The following HNRNPR variants were observed in gnomAD, a reference collection of about 807,000 sequenced individuals.
HNRNPR encodes heterogeneous nuclear ribonucleoprotein R.
Under a neutral mutation model 70.3 loss-of-function variants are expected in HNRNPR, and 4 were observed. The observed-to-expected ratio is 0.06, with a 90% confidence interval of 0.03 to 0.13. The LOEUF (loss-of-function observed/expected upper bound fraction) is 0.13. Ranked by LOEUF, HNRNPR falls within the 10% of genes least tolerant of loss-of-function variation. HNRNPR has a pLI of 1.00. For missense variants in HNRNPR, 423 were observed against 788.5 expected, an observed-to-expected ratio of 0.54 and a Z score of 5.55; for synonymous variants, 241 against 267.6, an observed-to-expected ratio of 0.90 and a Z score of 0.97.
At chr1:23,336,116 C>CAAAAAAAAAAAAAAAAAAAAAAAA in intron 4 of HNRNPR, among the ~76,000 whole-genome samples, 1 of 49,482 alleles carries the variant, frequency 2.0e-5, no homozygotes, top group African/African-American at 8.1e-5. Flanking sequence ...GACTCCGTCT[C>CAAAAAAAAAAAAAAAAAAAAAAAA]AAAAAAAAAA....
intron 3 of HNRNPR, 134 bp from the exon 4 acceptor site, chr1:23,337,995 G>A (rs953795281): frequency 1.6e-5 from 10 of 644,818 alleles, no homozygotes; most frequent in African/African-American, 5.5e-5. Context: ...AGTATTTGCC[G>A]AGTGGTTACT....
chr1:23,343,933 A>C (rs979616280), intron 1 of HNRNPR, among the ~76,000 whole-genome samples: 97 of 152,204 alleles, frequency 6.4e-4, no homozygotes, highest in Non-Finnish European at 1.0e-3. Flanking sequence ...AGGCGGGAAA[A>C]GCACGGCCGG....
Position 23,308,184 on chromosome 1 carries a change from T to C in HNRNPR, c.*2270A>G, listed in dbSNP as rs1416364625. The C allele has an allele frequency of 6.6e-6, 1 of 152,044 alleles. No individual in the cohort carries two copies. Among genetic ancestry groups the C allele is most frequent in the African/African-American group, 2.4e-5 (1 of 41,450 alleles). The allele number at this position is 152,044 out of a possible 1,614,324, so 9.4% of individuals were successfully genotyped here. On this transcript the variant is annotated 3_prime_UTR_variant, in exon 11 of 11. Coordinates refer to ENST00000302271, the MANE Select transcript of HNRNPR (RefSeq NM_005826.5). ...CCTCTGCAAATATATTTTTAATTAG[T>C]GAAAAGGACAGAGGAGGAGGTGGCC...
intron 5 of HNRNPR, among the ~76,000 whole-genome samples, chr1:23,332,696 C>T (rs1646289050): frequency 8.7e-6 from 1 of 115,266 alleles, no homozygotes; most frequent in Non-Finnish European, 1.7e-5. Context: ...GCAAAAATTC[C>T]ATCTCAAAAA....
intron 5 of HNRNPR, among the ~76,000 whole-genome samples, chr1:23,324,939 G>T (rs1001486991): frequency 6.6e-6 from 1 of 152,008 alleles, no homozygotes; most frequent in African/African-American, 2.4e-5. Context: ...AGGAGACCGA[G>T]ACCATCCTGG....
chr1:23,341,057 G>C, intron 1 of HNRNPR, 40 bp from the exon 2 acceptor site: 1 of 1,495,274 alleles, frequency 6.7e-7, no homozygotes, highest in Non-Finnish European at 9.2e-7. Context: ...CATTAAGCCA[G>C]AAATAACTAG....
rs1281889277 is a variant in HNRNPR, at chr1:23,333,606, G to A, written c.410C>T (p.Thr137Ile). 1.2e-6 allele frequency: 2 copies of A among 1,611,040 alleles called. No individual in the cohort carries two copies. Among genetic ancestry groups the A allele is most frequent in the Non-Finnish European group, 8.5e-7 (1 of 1,177,294 alleles). Residue 137 changes from threonine (T) to isoleucine (I), a missense_variant, in exon 5 of 11, where the codon ACT becomes ATT. By Grantham distance (89) the Thr-to-Ile change is moderately conservative (BLOSUM62 -1). Around this residue, in one of 7 missense-constraint regions of HNRNPR, gnomAD observed 118 missense variants for 239.3 expected, o/e 0.49. Transcript: ENST00000302271. ...IKALLERTGY[T>I]LDVTTGQRKY... Reference sequence around the variant, plus strand: ...CCTCTGTCCTGTGGTTACATCCAGAGTATAACCAGTTCTCTCAAGCAAGGC... The same window carrying A: ...CCTCTGTCCTGTGGTTACATCCAGAATATAACCAGTTCTCTCAAGCAAGGC...
chr1:23,344,259 G>C lies in HNRNPR; in HGVS notation c.-58C>G, dbSNP rs932432563. 120 of 152,786 alleles carry C rather than the reference G, an allele frequency of 7.9e-4. 1 individual carries two copies. Among genetic ancestry groups the C allele is most frequent in the South Asian group, 8.3e-4 (4 of 4,836 alleles). The allele number at this position is 152,786 out of a possible 1,614,324, so 9.5% of individuals were successfully genotyped here. A position where few individuals can be genotyped will look rare whatever the true frequency, so the allele number is the denominator to read the frequency against. On this transcript the variant is annotated 5_prime_UTR_variant, in exon 1 of 11. Transcript: ENST00000302271. ...CCGGGCCCGTGAGAATCAGCGCGAG[G>C]CGCTTTGAAAACGACTAGAAATGGC...
rs965977037 is a variant in HNRNPR, at chr1:23,323,831, A to T, written c.499-99T>A. 3 of 908,412 alleles carry T rather than the reference A, an allele frequency of 3.3e-6. No homozygotes were observed. The Admixed American group carries it at 6.8e-5, about 21-fold the overall frequency. 56.3% of individuals were successfully genotyped at this position (908,412 alleles called of 1,614,324 possible). The stretch of plus-strand genomic sequence containing the variant: ...TTTTTAAAGATGGGGGCAGAAGAAG[A>T]TGGTTAAGAAAGAATGGAAACAATC... On this transcript the variant is annotated intron_variant, in intron 5 of 10. Coordinates refer to ENST00000302271, the MANE Select transcript of HNRNPR (RefSeq NM_005826.5).
chr1:23,336,507 C>G (rs4648991), intron 4 of HNRNPR, among the ~76,000 whole-genome samples: 140,892 of 147,716 alleles, frequency 0.95, 67,476 homozygotes, highest in East Asian at 1. Flanking sequence ...AGGAGGCAGA[C>G]CTTGCAATGA....
chr1:23,336,823 TTAAC>T (rs1646512773), intron 4 of HNRNPR, among the ~76,000 whole-genome samples: 1 of 151,856 alleles, frequency 6.6e-6, no homozygotes, highest in Non-Finnish European at 1.5e-5. Context: ...GAGTATCCAT[TTAAC>T]TAAGGAATTA....
At position 23,305,867 on chromosome 1, in the gene HNRNPR, A is replaced by C. The variant is rs941583012; in HGVS notation, c.*4587T>G. The C allele has an allele frequency of 1.3e-5, 2 of 152,190 alleles. No individual in the cohort carries two copies. Among genetic ancestry groups the C allele is most frequent in the African/African-American group, 4.8e-5 (2 of 41,468 alleles). The allele number at this position is 152,190 out of a possible 1,614,324, so 9.4% of individuals were successfully genotyped here. A position where few individuals can be genotyped will look rare whatever the true frequency, so the allele number is the denominator to read the frequency against. Reference sequence around the variant, plus strand: ...TGACCCAAAGTCATTGTCTCAACATATCTCTAAATTGAGGCCATTATTGTC... The same window carrying C: ...TGACCCAAAGTCATTGTCTCAACATCTCTCTAAATTGAGGCCATTATTGTC... On this transcript the variant is annotated 3_prime_UTR_variant, in exon 11 of 11. Coordinates refer to ENST00000302271, the MANE Select transcript of HNRNPR (RefSeq NM_005826.5).
rs151313532 is a variant in HNRNPR at position 23,338,136 on chromosome 1, G to A, written c.277-275C>T. ...ATCTAGACTGTCTTTGCCAGATGTC[G>A]GAAACTATTCCTCCCACCTACATTT... On this transcript the variant is annotated intron_variant, in intron 3 of 10. Coordinates refer to ENST00000302271, the MANE Select transcript of HNRNPR (RefSeq NM_005826.5). 7.9e-5 allele frequency: 27 copies of A among 341,756 alleles called. 1 individual carries two copies. The East Asian group carries it at 1.1e-3, about 14-fold the overall frequency. 21.2% of individuals were successfully genotyped at this position (341,756 alleles called of 1,614,324 possible).
intron 8 of HNRNPR, among the ~76,000 whole-genome samples, chr1:23,314,966 A>T (rs1041689456): frequency 1.3e-5 from 2 of 152,140 alleles, no homozygotes; most frequent in Non-Finnish European, 2.9e-5. Context: ...CACAGAATAG[A>T]CTACTATGTA....
At chr1:23,342,937 A>G (rs1646758362) in intron 1 of HNRNPR, among the ~76,000 whole-genome samples, 1 of 152,246 alleles carries the variant, frequency 6.6e-6, no homozygotes, top group African/African-American at 2.4e-5. Context: ...AAAATTTTCA[A>G]AAAAAGTTTG....
At chr1:23,338,318 A>G in intron 3 of HNRNPR, 172 bp downstream of exon 3, 2 of 425,360 alleles carry the variant, frequency 4.7e-6, no homozygotes. Context: ...CTTTTGCTTT[A>G]TACTTGGGCT....
In HNRNPR at chr1:23,318,339, T is replaced by C. The variant is rs1645628971; in HGVS notation, c.1017+144A>G. Reference sequence around the variant, plus strand: ...TGGATACCAAGACAGGCTGTTAACTTTAGTGTTAAAGCCGCTCCTTGCCAA... The same window carrying C: ...TGGATACCAAGACAGGCTGTTAACTCTAGTGTTAAAGCCGCTCCTTGCCAA... On this transcript the variant is annotated intron_variant, in intron 8 of 10. Coordinates refer to ENST00000302271, the MANE Select transcript of HNRNPR (RefSeq NM_005826.5). This position sits in a 1 kb window ranked among gnomAD's most constrained non-coding sequence, Gnocchi z 4.2. The C allele has an allele frequency of 3.1e-6, 2 of 648,428 alleles. No individual in the cohort carries two copies. Among genetic ancestry groups the C allele is most frequent in the Non-Finnish European group, 5.3e-6 (2 of 376,944 alleles). 40.2% of individuals were successfully genotyped at this position (648,428 alleles called of 1,614,324 possible). A position where few individuals can be genotyped will look rare whatever the true frequency, so the allele number is the denominator to read the frequency against.
intron 7 of HNRNPR, among the ~76,000 whole-genome samples, chr1:23,320,627 A>G (rs367651801): frequency 6.6e-6 from 1 of 152,226 alleles, no homozygotes; most frequent in South Asian, 2.1e-4. Context: ...ATAAAAATGT[A>G]AAGAAACAGT....
chr1:23,333,512 A>C lies in HNRNPR; in HGVS notation c.498+6T>G. The C allele has an allele frequency of 6.4e-7, 1 of 1,562,348 alleles. No individual in the cohort carries two copies. Among genetic ancestry groups the C allele is most frequent in the South Asian group, 1.1e-5 (1 of 90,058 alleles). On this transcript the variant is annotated splice_donor_region_variant and intron_variant, in intron 5 of 10. Transcript: ENST00000302271. ...AGATCTTGGTAAACTGCTAAAGAAC[A>C]CTTACCTCCGTTCCAATTCCAGGTT...
Sources: allele counts gnomAD v4.1 joint callset (sites outside exome capture counted in the v4.1 genomes callset), GRCh38; gene constraint gnomAD v4.1.1; regional missense constraint gnomAD v4.1.1; non-coding constraint Gnocchi (gnomAD v3.1); transcripts MANE v1.5; gene names NCBI Gene and HGNC (gene_info 2026-07-23, HGNC 2026-07-21).